KCNQ5: variants seen among roughly 807,000 people sequenced by gnomAD.
The protein encoded by KCNQ5 is potassium voltage-gated channel subfamily KQT member 5.
A neutral mutation model predicts 98.2 loss-of-function variants in KCNQ5; 30 were observed. The observed-to-expected ratio is 0.31, with a 90% CI of 0.23 to 0.41. The LOEUF (loss-of-function observed/expected upper bound fraction) is 0.41, where lower values mean the gene tolerates loss of function less well. Among genes scored for constraint, KCNQ5 ranks in the 10% least tolerant of loss-of-function variants. KCNQ5 has a pLI of 1.00. For missense variants in KCNQ5, 835 were observed against 1,182.5 expected, an observed-to-expected ratio of 0.71 and a Z score of 4.31; for synonymous variants, 458 against 449.4, an observed-to-expected ratio of 1.02 and a Z score of -0.24.
At chr6:72,701,777 C>T (rs1359991710) in intron 1 of KCNQ5, among the ~76,000 whole-genome samples, 1 of 152,070 alleles carries the variant, frequency 6.6e-6, no homozygotes, top group Non-Finnish European at 1.5e-5. Context: ...TGCAATGGTG[C>T]GATCTCAGCT....
At chr6:73,060,701 A>G (rs142041398) in intron 3 of KCNQ5, among the ~76,000 whole-genome samples, 349 of 152,314 alleles carry the variant, frequency 2.3e-3, no homozygotes, top group African/African-American at 7.7e-3. Context: ...AGAAAAACCC[A>G]ACAACCTAAC....
At chr6:72,941,691 T>TTCTCC (rs1562082954) in intron 1 of KCNQ5, among the ~76,000 whole-genome samples, 1 of 418 alleles carries the variant, frequency 2.4e-3, no homozygotes, top group Admixed American at 0.028. Context: ...TTTCTTTCTT[T>TTCTCC]CTTTCTTTCT....
chr6:73,100,595 G>T (rs1387640777), intron 5 of KCNQ5, among the ~76,000 whole-genome samples: 12 of 151,974 alleles, frequency 7.9e-5, no homozygotes, highest in Admixed American at 7.9e-4. Flanking sequence ...CGTGAACCCG[G>T]GAGGCGGAGC....
intron 1 of KCNQ5, among the ~76,000 whole-genome samples, chr6:72,857,195 T>G (rs1562028318): frequency 6.6e-6 from 1 of 152,246 alleles, no homozygotes; most frequent in Non-Finnish European, 1.5e-5. Flanking sequence ...ATAAACTTTT[T>G]TCAAAGAAAT....
chr6:72,939,927 G>T (rs1022303433), intron 1 of KCNQ5, among the ~76,000 whole-genome samples: 10 of 152,114 alleles, frequency 6.6e-5, no homozygotes, highest in Non-Finnish European at 1.2e-4. Context: ...TTTACCCATT[G>T]GTTTTCTCTG....
intron 7 of KCNQ5, 100 bp downstream of exon 7, chr6:73,111,503 C>A: frequency 1.3e-6 from 1 of 794,122 alleles, no homozygotes; most frequent in Non-Finnish European, 2.1e-6. Context: ...AGAACTACTG[C>A]TTTGTTCCTT....
intron 1 of KCNQ5, among the ~76,000 whole-genome samples, chr6:72,684,347 T>C (rs1767849262): frequency 6.6e-6 from 1 of 152,126 alleles, no homozygotes; most frequent in South Asian, 2.1e-4. Context: ...GGCACATCCA[T>C]GTAGTAGAGT....
chr6:73,043,559 G>A (rs1771818150), intron 3 of KCNQ5, among the ~76,000 whole-genome samples: 1 of 152,150 alleles, frequency 6.6e-6, no homozygotes, highest in South Asian at 2.1e-4. Flanking sequence ...CATTACAAAG[G>A]ACTGTAACCT....
chr6:73,164,719 ACTCTATATT>A (rs146817086), intron 10 of KCNQ5, among the ~76,000 whole-genome samples: 2,153 of 152,230 alleles, frequency 0.014, 38 homozygotes, highest in African/African-American at 0.049. Context: ...AAATTAAAGG[ACTCTATATT>A]TTATGCTATT....
At chr6:73,052,232 G>C (rs1369598044) in intron 3 of KCNQ5, among the ~76,000 whole-genome samples, 2 of 152,138 alleles carry the variant, frequency 1.3e-5, no homozygotes, top group Non-Finnish European at 2.9e-5. Context: ...CCAAAGTATG[G>C]GATTATGTAA....
intron 3 of KCNQ5, among the ~76,000 whole-genome samples, chr6:73,076,653 T>C (rs1041047396): frequency 6.6e-6 from 1 of 152,188 alleles, no homozygotes; most frequent in East Asian, 1.9e-4. Context: ...ACAAATGTAA[T>C]ATTATTTAAT....
At chr6:73,156,842 CAG>C (rs1777379034) in intron 10 of KCNQ5, among the ~76,000 whole-genome samples, 1 of 152,144 alleles carries the variant, frequency 6.6e-6, no homozygotes, top group Non-Finnish European at 1.5e-5. Flanking sequence ...AACAGTACGG[CAG>C]AGAGGGCATT....
chr6:73,042,042 G>A lies in KCNQ5; in HGVS notation c.596G>A (p.Arg199Gln), dbSNP rs759489014. 3.1e-6 allele frequency: 5 copies of A among 1,613,884 alleles called. No homozygotes were observed. Among genetic ancestry groups the A allele is most frequent in the South Asian group, 1.1e-5 (1 of 91,078 alleles). The change falls in exon 3 of 14, where the codon CGA becomes CAA. Residue 199 changes from arginine (R) to glutamine (Q), a missense_variant. By Grantham distance (43) the Arg-to-Gln change is conservative. This residue lies in a region of KCNQ5 where 48 missense variants were observed against 112.1 expected (regional missense o/e 0.43). Coordinates refer to ENST00000370398, the MANE Select transcript of KCNQ5 (RefSeq NM_019842.4). ...TGGCAAGGAAGACTGAGGTTTGCTCGAAAGCCCTTCTGTGTTATAGGTGAA... is the reference window on the plus strand; with the variant it reads ...TGGCAAGGAAGACTGAGGTTTGCTCAAAAGCCCTTCTGTGTTATAGGTGAA... ...RGWQGRLRFA[R>Q]KPFCVIDTIV... is the part of the protein sequence containing the mutation.
intron 5 of KCNQ5, among the ~76,000 whole-genome samples, chr6:73,085,618 C>T (rs1352233964): frequency 2.0e-5 from 3 of 151,490 alleles, no homozygotes; most frequent in Non-Finnish European, 4.4e-5. Flanking sequence ...CTTTGCTCAC[C>T]CCCAGAGGAA....
In KCNQ5 at chr6:72,629,179, T is replaced by C. The variant is rs2098919500; in HGVS notation, c.398+6592T>C. 2.0e-5 allele frequency among the ~76,000 whole-genome samples: 3 copies of C among 152,204 alleles called. 1 individual carries two copies. In the South Asian group the frequency reaches 6.2e-4, roughly 31 times the overall value. ...AGATGGAATTTTACTCTGTTGGCCA[T>C]TCTATGTGTCAGACTCAATTAGACC... On this transcript the variant is annotated intron_variant, in intron 1 of 13. Coordinates refer to ENST00000370398, the MANE Select transcript of KCNQ5 (RefSeq NM_019842.4).
intron 1 of KCNQ5, among the ~76,000 whole-genome samples, chr6:72,630,317 G>A (rs2098920119): frequency 6.6e-6 from 1 of 152,130 alleles, no homozygotes; most frequent in African/African-American, 2.4e-5. Flanking sequence ...AGTGGTCATT[G>A]TTCTCATTTA....
intron 1 of KCNQ5, among the ~76,000 whole-genome samples, chr6:72,774,471 T>C (rs929915367): frequency 3.3e-5 from 5 of 152,114 alleles, no homozygotes; most frequent in Admixed American, 3.3e-4. Context: ...AAATAAGATG[T>C]GCTATATTAG....
At chr6:72,752,375 AG>A (rs1771728673) in intron 1 of KCNQ5, among the ~76,000 whole-genome samples, 1 of 152,182 alleles carries the variant, frequency 6.6e-6, no homozygotes, top group Non-Finnish European at 1.5e-5. Context: ...TAATACCTGA[AG>A]GTAAGTAGAA....
intron 1 of KCNQ5, among the ~76,000 whole-genome samples, chr6:72,629,648 G>A (rs2098919744): frequency 6.6e-6 from 1 of 152,182 alleles, no homozygotes; most frequent in Non-Finnish European, 1.5e-5. Context: ...ATTGCAAATG[G>A]CTATTTTGGC....
Sources: gnomAD v4.1 joint callset for allele counts (sites outside exome capture counted in the v4.1 genomes callset) on GRCh38, gnomAD v4.1.1 for gene constraint, gnomAD v4.1.1 regional missense constraint, MANE v1.5 for transcripts, NCBI Gene and HGNC (gene_info 2026-07-23, HGNC 2026-07-21) for gene names.